KCND2: variants seen among roughly 807,000 people sequenced by gnomAD.
The protein encoded by KCND2 is potassium voltage-gated channel subfamily D member 2.
Under a neutral mutation model 54.4 loss-of-function variants are expected in KCND2, and 16 were observed. That is an observed-to-expected ratio of 0.29 (90% CI 0.20 to 0.45). The LOEUF (loss-of-function observed/expected upper bound fraction) is 0.45. Among genes scored for constraint, KCND2 ranks in the 20% least tolerant of loss-of-function variants. The pLI is 1.00. For synonymous variants in KCND2, 317 were observed against 310.7 expected, an observed-to-expected ratio of 1.02 and a Z score of -0.21; for missense variants, 486 against 824.2, an observed-to-expected ratio of 0.59 and a Z score of 5.02.
intron 1 of KCND2, among the ~76,000 whole-genome samples, chr7:120,584,462 C>T (rs1418034894): frequency 2.6e-5 from 4 of 152,268 alleles, no homozygotes; most frequent in African/African-American, 7.2e-5. Context: ...AAAGCATTCA[C>T]GCAGCTAAAA....
intron 1 of KCND2, among the ~76,000 whole-genome samples, chr7:120,612,502 T>C (rs1792969197): frequency 6.6e-6 from 1 of 152,262 alleles, no homozygotes; most frequent in South Asian, 2.1e-4. Context: ...TCTGTTTTAC[T>C]GCATTTCACA....
At chr7:120,315,329 A>C (rs1429061227) in intron 1 of KCND2, among the ~76,000 whole-genome samples, 1 of 152,140 alleles carries the variant, frequency 6.6e-6, no homozygotes, top group Non-Finnish European at 1.5e-5. Context: ...ACTTGACTTC[A>C]TATTTACTAA....
chr7:120,515,058 G>A (rs1011914637), intron 1 of KCND2, among the ~76,000 whole-genome samples: 1 of 151,812 alleles, frequency 6.6e-6, no homozygotes, highest in African/African-American at 2.4e-5. Flanking sequence ...TAAGATGAAG[G>A]TCCTCCAGCT....
intron 1 of KCND2, among the ~76,000 whole-genome samples, chr7:120,346,745 C>T (rs924646771): frequency 6.6e-6 from 1 of 151,896 alleles, no homozygotes; most frequent in Admixed American, 6.6e-5. Context: ...CTTTATATTG[C>T]TCTTCCTTTA....
intron 1 of KCND2, among the ~76,000 whole-genome samples, chr7:120,483,232 T>C (rs911579345): frequency 7.2e-5 from 11 of 152,114 alleles, no homozygotes; most frequent in Non-Finnish European, 1.3e-4. Context: ...TTGTACCAGA[T>C]CGTGAAAGGT....
At chr7:120,717,946 A>C (rs1304053405) in intron 1 of KCND2, among the ~76,000 whole-genome samples, 2 of 152,068 alleles carry the variant, frequency 1.3e-5, no homozygotes, top group Admixed American at 1.3e-4. Flanking sequence ...CACTTAGCAC[A>C]GTGTTTGGAG....
chr7:120,691,075 T>A (rs909000017), intron 1 of KCND2, among the ~76,000 whole-genome samples: 1 of 151,868 alleles, frequency 6.6e-6, no homozygotes, highest in Admixed American at 6.6e-5. Context: ...ATGTATGGGG[T>A]CTATGAGGAA....
intron 1 of KCND2, among the ~76,000 whole-genome samples, chr7:120,497,601 T>A (rs1802868851): frequency 6.6e-6 from 1 of 152,184 alleles, no homozygotes; most frequent in South Asian, 2.1e-4. Flanking sequence ...CACTTGGCCA[T>A]CCTAGGTCTA....
At chr7:120,408,824 C>A (rs1390660971) in intron 1 of KCND2, among the ~76,000 whole-genome samples, 8 of 151,812 alleles carry the variant, frequency 5.3e-5, no homozygotes, top group Non-Finnish European at 1.0e-4. Flanking sequence ...CAAATAATTC[C>A]ATAGTACATA....
chr7:120,556,486 A>G (rs1262729467), intron 1 of KCND2, among the ~76,000 whole-genome samples: 1 of 152,210 alleles, frequency 6.6e-6, no homozygotes, highest in Non-Finnish European at 1.5e-5. Flanking sequence ...CTGTGTGTAC[A>G]CTGTTTCAAC....
intron 1 of KCND2, among the ~76,000 whole-genome samples, chr7:120,329,383 A>G (rs994172468): frequency 2.6e-5 from 4 of 152,090 alleles, no homozygotes; most frequent in African/African-American, 9.7e-5. Flanking sequence ...TTGGCCTCCC[A>G]ATATGTAGCT....
At position 120,584,021 on chromosome 7, in the gene KCND2, A is replaced by C. The variant is rs527898623; in HGVS notation, c.1116-148882A>C. On this transcript the variant is annotated intron_variant, in intron 1 of 5. Coordinates refer to ENST00000331113, the MANE Select transcript of KCND2 (RefSeq NM_012281.3). ...GCCATTTCAGTGAAGAAAAGGAAGTAGCTAATGTATCCAGTGAAATTCCAA... is the reference window on the plus strand; with the variant it reads ...GCCATTTCAGTGAAGAAAAGGAAGTCGCTAATGTATCCAGTGAAATTCCAA... Among the ~76,000 whole-genome samples, 57 of 152,368 alleles carry C rather than the reference A, an allele frequency of 3.7e-4. No individual in the cohort carries two copies. In the South Asian group the frequency reaches 0.012, roughly 32 times the overall value.
intron 1 of KCND2, among the ~76,000 whole-genome samples, chr7:120,517,367 G>A (rs1005161112): frequency 8.6e-5 from 13 of 152,006 alleles, no homozygotes; most frequent in African/African-American, 3.1e-4. Context: ...GACTATTTCT[G>A]TAACTGTTGT....
At position 120,343,250 on chromosome 7, in the gene KCND2, A is replaced by G. The variant is rs1029330148; in HGVS notation, c.1115+67503A>G. Reference sequence around the variant, plus strand: ...TATGGGCCAGTGTGTGCCAAGGAGAAGAATGCCTGCTTATGGATGAACTAG... The same window carrying G: ...TATGGGCCAGTGTGTGCCAAGGAGAGGAATGCCTGCTTATGGATGAACTAG... On this transcript the variant is annotated intron_variant, in intron 1 of 5. Coordinates refer to ENST00000331113, the MANE Select transcript of KCND2 (RefSeq NM_012281.3). Among the ~76,000 whole-genome samples the G allele has an allele frequency of 1.2e-4, 18 of 152,264 alleles. No individual in the cohort carries two copies. In the East Asian group the frequency reaches 3.3e-3, roughly 28 times the overall value.
chr7:120,435,973 A>G (rs552495218), intron 1 of KCND2, among the ~76,000 whole-genome samples: 4 of 152,218 alleles, frequency 2.6e-5, no homozygotes, highest in Non-Finnish European at 4.4e-5. Context: ...GAAAATGTCA[A>G]GAAATTGGTC....
chr7:120,425,257 C>T (rs1211340485), intron 1 of KCND2, among the ~76,000 whole-genome samples: 1 of 152,100 alleles, frequency 6.6e-6, no homozygotes, highest in East Asian at 1.9e-4. Context: ...CTTGCCAACT[C>T]ACTTCCAAAG....
At chr7:120,443,214 A>G (rs900090810) in intron 1 of KCND2, among the ~76,000 whole-genome samples, 2 of 152,046 alleles carry the variant, frequency 1.3e-5, no homozygotes, top group Admixed American at 1.3e-4. Flanking sequence ...AGTTACTGTG[A>G]CAGAATAAAG....
At chr7:120,689,876 C>T (rs1010792290) in intron 1 of KCND2, among the ~76,000 whole-genome samples, 6 of 152,196 alleles carry the variant, frequency 3.9e-5, no homozygotes, top group African/African-American at 4.8e-5. Context: ...AGCTAAGCCA[C>T]GGGCTTCTCA....
intron 1 of KCND2, among the ~76,000 whole-genome samples, chr7:120,564,172 A>G (rs932235731): frequency 6.6e-6 from 1 of 152,224 alleles, no homozygotes; most frequent in Non-Finnish European, 1.5e-5. Context: ...GCTAGAACCC[A>G]TCAGTAATAA....
Sources: gnomAD v4.1 joint callset for allele counts (sites outside exome capture counted in the v4.1 genomes callset) on GRCh38, gnomAD v4.1.1 for gene constraint, MANE v1.5 for transcripts, NCBI Gene and HGNC (gene_info 2026-07-23, HGNC 2026-07-21) for gene names.